The following RMDN3 variants were observed in gnomAD, a reference collection of about 807,000 sequenced individuals.
RMDN3 encodes the protein regulator of microtubule dynamics protein 3.
RMDN3 carries 41 observed loss-of-function variants against 61.8 expected under a neutral mutation model. That is an observed-to-expected ratio of 0.66 (90% confidence interval 0.52 to 0.86). RMDN3 has a LOEUF of 0.86. Ranked by LOEUF, RMDN3 falls within the 40% of genes least tolerant of loss-of-function variation. RMDN3 has a pLI of 0.00. For missense variants in RMDN3, 557 were observed against 585.3 expected (o/e 0.95, Z 0.50); for synonymous variants, 247 against 232.0 (o/e 1.06, Z -0.59).
intron 4 of RMDN3, 93 bp from the exon 5 acceptor site, chr15:40,745,352 T>A: frequency 8.0e-7 from 1 of 1,250,858 alleles, no homozygotes; most frequent in Non-Finnish European, 1.1e-6. Flanking sequence ...GCACTCTACA[T>A]GGCATTGTCC....
At chr15:40,754,172 C>G (rs1897941478) in intron 2 of RMDN3, among the ~76,000 whole-genome samples, 2 of 146,522 alleles carry the variant, frequency 1.4e-5, no homozygotes, top group Non-Finnish European at 3.0e-5. Context: ...ACTCTGTCAC[C>G]CAGGCTGGAG....
intron 12 of RMDN3, 105 bp from the exon 13 acceptor site, chr15:40,736,699 C>T (rs1897064314): frequency 2.1e-6 from 2 of 969,390 alleles, no homozygotes; most frequent in Non-Finnish European, 3.2e-6. Context: ...CTGAGCTCTG[C>T]TACAGTCTTT....
At chr15:40,738,668 CT>C in intron 7 of RMDN3, 92 bp from the exon 8 acceptor site, 1 of 1,187,660 alleles carries the variant, frequency 8.4e-7, no homozygotes, top group Non-Finnish European at 1.2e-6. Context: ...GCATTGTCCC[CT>C]ATCCCTGTAC....
intron 4 of RMDN3, among the ~76,000 whole-genome samples, chr15:40,746,312 A>C (rs567110666): frequency 6.6e-6 from 1 of 152,156 alleles, no homozygotes; most frequent in Non-Finnish European, 1.5e-5. Flanking sequence ...TCAGGAGATC[A>C]AGACCATCCT....
At chr15:40,738,405 C>T (rs1455797034) in intron 8 of RMDN3, 96 bp downstream of exon 8, 9 of 1,119,578 alleles carry the variant, frequency 8.0e-6, no homozygotes, top group South Asian at 1.3e-5. Flanking sequence ...AAAGGCAAGT[C>T]ACTGAGGCTG....
chr15:40,749,538 A>C (rs1027660331), intron 4 of RMDN3, among the ~76,000 whole-genome samples: 3 of 152,084 alleles, frequency 2.0e-5, no homozygotes, highest in Admixed American at 2.0e-4. Flanking sequence ...ACAAAAACAA[A>C]AACAGTTGTG....
chr15:40,744,423 A>C (rs1190348284), intron 5 of RMDN3: 2 of 354,804 alleles, frequency 5.6e-6, no homozygotes. Flanking sequence ...GGTCAACTCC[A>C]AGATGTCATA....
intron 1 of RMDN3, 144 bp downstream of exon 1, chr15:40,754,939 T>A: frequency 1.6e-6 from 1 of 641,792 alleles, no homozygotes; most frequent in Non-Finnish European, 2.7e-6. Context: ...CTCGACTACG[T>A]GCACCCCAGT....
chr15:40,750,781 T>C (rs1296792103), intron 4 of RMDN3, among the ~76,000 whole-genome samples: 1 of 152,244 alleles, frequency 6.6e-6, no homozygotes, highest in African/African-American at 2.4e-5. Context: ...TAACTGGAGC[T>C]AGCAGCAGAT....
chr15:40,744,187 C>G (rs1175973444), intron 5 of RMDN3, 38 bp from the exon 6 acceptor site: 1 of 1,595,514 alleles, frequency 6.3e-7, no homozygotes, highest in African/African-American at 1.3e-5. Context: ...CCCCTTTTTC[C>G]TCAACTGTGG....
At chr15:40,736,656 G>A (rs1897061332) in intron 12 of RMDN3, 62 bp from the exon 13 acceptor site, 4 of 1,479,172 alleles carry the variant, frequency 2.7e-6, no homozygotes, top group South Asian at 2.3e-5. Flanking sequence ...CCAAACCAGT[G>A]GAACCTAAGA....
In RMDN3 at chr15:40,738,556, T is replaced by C. The variant is rs1185903498; in HGVS notation, c.992A>G (p.Gln331Arg). 1 of 1,614,146 alleles carries C rather than the reference T, an allele frequency of 6.2e-7. No individual in the cohort carries two copies. Among genetic ancestry groups the C allele is most frequent in the South Asian group, 1.1e-5 (1 of 91,070 alleles). The change falls in exon 8 of 13, where the codon CAG (glutamine) becomes CGG (arginine). Residue 331 changes from glutamine to arginine, a missense_variant. By Grantham distance (43) the Gln-to-Arg change is conservative. Coordinates refer to ENST00000338376, the MANE Select transcript of RMDN3 (RefSeq NM_018145.3). ...CTGGATGCTCTCATGCTCAGCCAGC[T>C]GACCACAAAGCACCGCATACCTAGG... ...CHLWYAVLCGQLAEHESIQRR... is the reference protein window; with the variant it reads ...CHLWYAVLCGRLAEHESIQRR...
chr15:40,740,451 G>C (rs1220007223), intron 6 of RMDN3, among the ~76,000 whole-genome samples: 2 of 152,174 alleles, frequency 1.3e-5, no homozygotes, highest in African/African-American at 4.8e-5. Context: ...TCGGAGACCA[G>C]CCTGGCCAAC....
At chr15:40,736,875 T>C (rs1247729405) in intron 12 of RMDN3, among the ~76,000 whole-genome samples, 2 of 152,114 alleles carry the variant, frequency 1.3e-5, no homozygotes, top group African/African-American at 4.8e-5. Context: ...TTTTTTGAGA[T>C]GGAGTTTTGC....
intron 3 of RMDN3, 38 bp downstream of exon 3, chr15:40,751,948 G>A (rs1897841217): frequency 2.5e-6 from 4 of 1,595,098 alleles, no homozygotes; most frequent in Non-Finnish European, 2.6e-6. Context: ...AAAGCTGCAG[G>A]GGAGGGATAA....
intron 4 of RMDN3, chr15:40,747,897 C>G (rs1479247649): frequency 6.6e-6 from 1 of 152,194 alleles, no homozygotes. Flanking sequence ...GGACCCTGAC[C>G]TTGAGATAAG....
chr15:40,745,589 C>T (rs112497439), intron 4 of RMDN3, among the ~76,000 whole-genome samples: 3 of 151,814 alleles, frequency 2.0e-5, no homozygotes, highest in Admixed American at 1.3e-4. Context: ...TGGTCTCAAA[C>T]CCCTGGCCTC....
At position 40,737,217 on chromosome 15, in the gene RMDN3, A is replaced by G. The variant is rs773828592; in HGVS notation, c.1279-13T>C. 1 of 1,613,532 alleles carries G rather than the reference A, an allele frequency of 6.2e-7. No individual in the cohort carries two copies. The highest frequency in any genetic ancestry group is 8.5e-7 in the Non-Finnish European group (1 of 1,179,404). ...GTTCTCTGTAGCACTGAAAAGAGAC[A>G]ACAGTGAAACCTGATACTGTGTACT... On this transcript the variant is annotated splice_polypyrimidine_tract_variant and intron_variant, in intron 11 of 12. Transcript: ENST00000338376.
chr15:40,743,935 G>T, intron 6 of RMDN3, 112 bp downstream of exon 6: 1 of 844,796 alleles, frequency 1.2e-6, no homozygotes, highest in Non-Finnish European at 1.8e-6. Flanking sequence ...GTGGGTAACT[G>T]AGCCACAACT....
Sources: gnomAD v4.1 joint callset for allele counts (sites outside exome capture counted in the v4.1 genomes callset) on GRCh38, gnomAD v4.1.1 for gene constraint, MANE v1.5 for transcripts, NCBI Gene and HGNC (gene_info 2026-07-23, HGNC 2026-07-21) for gene names.